MCU: variants seen among roughly 807,000 people sequenced by gnomAD.
MCU encodes mitochondrial calcium uniporter, also known as calcium uniporter protein, mitochondrial.
MCU carries 12 observed loss-of-function variants against 45.2 expected under a neutral mutation model. That is an observed-to-expected ratio of 0.27 (90% CI 0.17 to 0.43). MCU has a LOEUF of 0.43. Among genes scored for constraint, MCU ranks in the 20% least tolerant of loss-of-function variants. The pLI, the probability that MCU is intolerant of heterozygous loss-of-function variation, is 1.00. For missense variants in MCU, 324 were observed against 436.7 expected, an observed-to-expected ratio of 0.74 and a Z score of 2.30; for synonymous variants, 160 against 165.1, an observed-to-expected ratio of 0.97 and a Z score of 0.24.
chr10:72,843,006 T>A (rs2132846796), intron 2 of MCU, among the ~76,000 whole-genome samples: 1 of 152,256 alleles, frequency 6.6e-6, no homozygotes, highest in Non-Finnish European at 1.5e-5. Flanking sequence ...AAAAGCAGAC[T>A]TTTTTAAGAG....
intron 1 of MCU, chr10:72,766,972 T>G (rs1843736605): frequency 6.6e-6 from 1 of 152,162 alleles, no homozygotes; most frequent in South Asian, 2.1e-4. Context: ...TAAACCTATT[T>G]TAAGTGTACA....
intron 1 of MCU, among the ~76,000 whole-genome samples, chr10:72,713,947 TTGTGTGTGTGTGTGTGTG>T (rs72292523): frequency 2.2e-5 from 3 of 139,104 alleles, no homozygotes; most frequent in Non-Finnish European, 3.1e-5. Flanking sequence ...CTTTCATCAT[TTGTGTGTGTGTGTGTGTG>T]TGTGTGTGTG....
At chr10:72,822,141 T>C (rs1161487506) in intron 1 of MCU, among the ~76,000 whole-genome samples, 1 of 151,962 alleles carries the variant, frequency 6.6e-6, no homozygotes, top group African/African-American at 2.4e-5. Context: ...CCGGGCGTGG[T>C]GACAGACACC....
intron 1 of MCU, among the ~76,000 whole-genome samples, chr10:72,775,306 G>GA (rs766449847): frequency 2.4e-4 from 36 of 151,992 alleles, no homozygotes; most frequent in Middle Eastern, 6.8e-3. Context: ...ATGGGCCAAT[G>GA]AAAAAATTAG....
intron 1 of MCU, among the ~76,000 whole-genome samples, chr10:72,710,142 AT>A (rs983965140): frequency 6.6e-6 from 1 of 151,944 alleles, no homozygotes; most frequent in Admixed American, 6.6e-5. Context: ...TGCCCGGCTA[AT>A]TTTTTGTACT....
chr10:72,726,983 C>T (rs553396741), intron 1 of MCU, among the ~76,000 whole-genome samples: 15 of 152,116 alleles, frequency 9.9e-5, no homozygotes, highest in African/African-American at 3.6e-4. Flanking sequence ...GGAAAATATT[C>T]TAATAGACTA....
At chr10:72,799,327 T>C (rs1317598636) in intron 1 of MCU, among the ~76,000 whole-genome samples, 1 of 152,238 alleles carries the variant, frequency 6.6e-6, no homozygotes, top group East Asian at 1.9e-4. Flanking sequence ...ACAGTGAACA[T>C]TCATTCATTT....
chr10:72,847,027 A>C (rs1335350345), intron 2 of MCU, among the ~76,000 whole-genome samples: 2 of 152,204 alleles, frequency 1.3e-5, no homozygotes, highest in African/African-American at 4.8e-5. Flanking sequence ...GCTGGAGTGC[A>C]GTGGTGCAAA....
At chr10:72,754,792 T>G (rs2132714605) in intron 1 of MCU, among the ~76,000 whole-genome samples, 1 of 152,274 alleles carries the variant, frequency 6.6e-6, no homozygotes, top group Middle Eastern at 3.4e-3. Flanking sequence ...AGTGCATCAC[T>G]GCACTCCAGC....
At chr10:72,855,518 G>A (rs1003451629) in intron 2 of MCU, among the ~76,000 whole-genome samples, 3 of 152,134 alleles carry the variant, frequency 2.0e-5, no homozygotes, top group African/African-American at 4.8e-5. Flanking sequence ...GGAGATCAAG[G>A]CTGCAGTGAG....
At chr10:72,715,886 A>G in intron 1 of MCU, 1 of 985,676 alleles carries the variant, frequency 1.0e-6, no homozygotes, top group Non-Finnish European at 1.2e-6. Flanking sequence ...ACGCAGGGGA[A>G]ACTTGAACAT....
intron 1 of MCU, among the ~76,000 whole-genome samples, chr10:72,829,585 A>AT (rs757754381): frequency 4.0e-5 from 6 of 150,200 alleles, no homozygotes; most frequent in Non-Finnish European, 8.9e-5. Context: ...TCAAATATTT[A>AT]TTAAAAGCTT....
At chr10:72,795,986 A>T (rs1487924744) in intron 1 of MCU, among the ~76,000 whole-genome samples, 3 of 152,078 alleles carry the variant, frequency 2.0e-5, no homozygotes, top group Non-Finnish European at 4.4e-5. Flanking sequence ...CGACAGAGCA[A>T]GACTCCATCT....
At chr10:72,756,162 T>G (rs984884247) in intron 1 of MCU, among the ~76,000 whole-genome samples, 1 of 152,104 alleles carries the variant, frequency 6.6e-6, no homozygotes, top group African/African-American at 2.4e-5. Context: ...ATTTTTTGTG[T>G]TTTTATTAGA....
At chr10:72,791,015 C>T (rs1844150366) in intron 1 of MCU, among the ~76,000 whole-genome samples, 1 of 152,076 alleles carries the variant, frequency 6.6e-6, no homozygotes, top group African/African-American at 2.4e-5. Context: ...GATTTATTCT[C>T]CCCAGAAGGA....
intron 1 of MCU, among the ~76,000 whole-genome samples, chr10:72,731,894 T>C (rs1843180029): frequency 1.3e-5 from 2 of 152,256 alleles, no homozygotes; most frequent in African/African-American, 2.4e-5. Context: ...AATGCTGTTA[T>C]GAACATTTGT....
At chr10:72,694,746 A>G (rs1842665655) in intron 1 of MCU, among the ~76,000 whole-genome samples, 1 of 152,218 alleles carries the variant, frequency 6.6e-6, no homozygotes, top group African/African-American at 2.4e-5. Flanking sequence ...TGGTATGGTA[A>G]ATTACAACCA....
At chr10:72,881,009 G>T (rs1845693268) in intron 6 of MCU, among the ~76,000 whole-genome samples, 1 of 152,030 alleles carries the variant, frequency 6.6e-6, no homozygotes, top group South Asian at 2.1e-4. Context: ...TGCACCTGTA[G>T]GTACGAGCTA....
intron 1 of MCU, among the ~76,000 whole-genome samples, chr10:72,799,035 T>A (rs974162146): frequency 1.3e-5 from 2 of 152,086 alleles, no homozygotes; most frequent in African/African-American, 2.4e-5. Context: ...CAAGCGATTC[T>A]CCTGCCTCAG....
Sources: allele counts gnomAD v4.1 joint callset (sites outside exome capture counted in the v4.1 genomes callset), GRCh38; gene constraint gnomAD v4.1.1; transcripts MANE v1.5; gene names NCBI Gene and HGNC (gene_info 2026-07-23, HGNC 2026-07-21).